Variants in SLC24A3 observed in about 807,000 individuals in gnomAD.
SLC24A3 encodes the protein sodium/potassium/calcium exchanger 3.
A neutral mutation model predicts 75.8 loss-of-function variants in SLC24A3; 28 were observed. That is an observed-to-expected ratio of 0.37 (90% CI 0.27 to 0.51). The LOEUF (loss-of-function observed/expected upper bound fraction) is 0.51, where lower values mean the gene tolerates loss of function less well. SLC24A3 is among the 20% of genes least tolerant of loss of function. The pLI is 0.94. For missense variants in SLC24A3, 663 were observed against 847.8 expected (o/e 0.78, Z 2.71); for synonymous variants, 372 against 334.1 (o/e 1.11, Z -1.24).
chr20:19,316,214 G>C (rs751252450), intron 2 of SLC24A3, among the ~76,000 whole-genome samples: 1 of 152,188 alleles, frequency 6.6e-6, no homozygotes, highest in Non-Finnish European at 1.5e-5. Flanking sequence ...ATCCCAAGAT[G>C]AACCATCAAA....
chr20:19,590,603 A>G (rs1002751818), intron 6 of SLC24A3, among the ~76,000 whole-genome samples: 21 of 152,238 alleles, frequency 1.4e-4, no homozygotes, highest in African/African-American at 3.9e-4. Context: ...GGCCTCATCC[A>G]GGAGCCAGCG....
intron 3 of SLC24A3, among the ~76,000 whole-genome samples, chr20:19,574,996 TC>T (rs2031107428): frequency 6.6e-6 from 1 of 151,952 alleles, no homozygotes; most frequent in African/African-American, 2.4e-5. Context: ...ACAGCTGCAA[TC>T]CCAGCACTTT....
chr20:19,443,614 G>GT (rs919234473), intron 2 of SLC24A3, among the ~76,000 whole-genome samples: 2 of 152,118 alleles, frequency 1.3e-5, no homozygotes, highest in African/African-American at 4.8e-5. Context: ...TCTGAAACCT[G>GT]TAAGAGGACA....
chr20:19,691,289 G>A (rs1171823626), intron 12 of SLC24A3, among the ~76,000 whole-genome samples: 4 of 152,208 alleles, frequency 2.6e-5, no homozygotes, highest in Non-Finnish European at 5.9e-5. Flanking sequence ...GCGTGACAGG[G>A]CAGATTCTGC....
chr20:19,312,942 T>A (rs2122263573), intron 2 of SLC24A3, among the ~76,000 whole-genome samples: 1 of 152,230 alleles, frequency 6.6e-6, no homozygotes. Context: ...AAGTTCCCAT[T>A]TACTTTGTAG....
chr20:19,238,893 A>T (rs1982247082), intron 1 of SLC24A3, among the ~76,000 whole-genome samples: 1 of 151,594 alleles, frequency 6.6e-6, no homozygotes, highest in South Asian at 2.1e-4. Context: ...CTTCTCTTTC[A>T]CTTCTCCCCT....
chr20:19,252,796 C>A (rs1982703406), intron 1 of SLC24A3, among the ~76,000 whole-genome samples: 1 of 152,144 alleles, frequency 6.6e-6, no homozygotes, highest in Admixed American at 6.5e-5. Context: ...ATATAAACTT[C>A]TTGGGATCCT....
At chr20:19,578,491 T>C (rs1329847858) in intron 3 of SLC24A3, among the ~76,000 whole-genome samples, 3 of 152,016 alleles carry the variant, frequency 2.0e-5, no homozygotes, top group Admixed American at 2.0e-4. Flanking sequence ...AAAGAGGGTG[T>C]CTCTGCCTCA....
At chr20:19,714,634 C>A (rs1251041477) in intron 15 of SLC24A3, among the ~76,000 whole-genome samples, 1 of 152,044 alleles carries the variant, frequency 6.6e-6, no homozygotes, top group Non-Finnish European at 1.5e-5. Flanking sequence ...CAAAAATACA[C>A]CCCTGGGTGT....
At chr20:19,542,102 T>G (rs1712077602) in intron 3 of SLC24A3, among the ~76,000 whole-genome samples, 1 of 152,124 alleles carries the variant, frequency 6.6e-6, no homozygotes, top group Non-Finnish European at 1.5e-5. Context: ...AGGGGAGAGA[T>G]AGCAGGTGGA....
intron 2 of SLC24A3, among the ~76,000 whole-genome samples, chr20:19,437,463 T>C (rs1022822052): frequency 2.0e-5 from 3 of 152,196 alleles, no homozygotes; most frequent in African/African-American, 7.2e-5. Flanking sequence ...TGAAACCTCT[T>C]TTATAAATTA....
intron 2 of SLC24A3, among the ~76,000 whole-genome samples, chr20:19,376,879 G>A (rs1986092629): frequency 6.6e-6 from 1 of 152,156 alleles, no homozygotes; most frequent in South Asian, 2.1e-4. Flanking sequence ...AGCGAGCAGT[G>A]GATTGTAGAA....
At chr20:19,356,374 A>G (rs1330758616) in intron 2 of SLC24A3, among the ~76,000 whole-genome samples, 3 of 152,324 alleles carry the variant, frequency 2.0e-5, no homozygotes, top group South Asian at 2.1e-4. Context: ...CCACAAATGT[A>G]TGTACCCATG....
chr20:19,385,517 G>A (rs1436404344), intron 2 of SLC24A3, among the ~76,000 whole-genome samples: 1 of 152,134 alleles, frequency 6.6e-6, no homozygotes, highest in African/African-American at 2.4e-5. Context: ...TTATGCCAGT[G>A]CCTTGCTCTT....
intron 2 of SLC24A3, among the ~76,000 whole-genome samples, chr20:19,349,727 C>A (rs779765580): frequency 6.6e-6 from 1 of 152,150 alleles, no homozygotes; most frequent in Non-Finnish European, 1.5e-5. Context: ...CCTTTGTTGG[C>A]TCCTTTATTC....
chr20:19,241,596 C>T (rs761853099), intron 1 of SLC24A3, among the ~76,000 whole-genome samples: 3 of 152,160 alleles, frequency 2.0e-5, no homozygotes, highest in African/African-American at 4.8e-5. Flanking sequence ...GTAGATTAAC[C>T]GTGCATGCCC....
At chr20:19,695,851 A>G (rs1568701305) in intron 13 of SLC24A3, among the ~76,000 whole-genome samples, 1 of 152,140 alleles carries the variant, frequency 6.6e-6, no homozygotes, top group Admixed American at 6.5e-5. Context: ...GAGTGAGAAC[A>G]TGTGGAGTTT....
In SLC24A3 at chr20:19,698,674, A is replaced by G. The variant is rs948892381; in HGVS notation, c.1713A>G (p.Gly571=). Residue 571 remains glycine (G), a synonymous_variant, in exon 15 of 17, where the codon GGA becomes GGG. Transcript: ENST00000328041. ...WALQTLAVDY[G]SYIRLNSRGL... is the part of the protein sequence containing the mutation. ...TGCAGACCCTGGCTGTGGATTACGG[A>G]TCCTACGTAAGTGGTTTTCTCCAGG... 6 of 1,575,110 alleles carry G rather than the reference A, an allele frequency of 3.8e-6. No homozygotes were observed. The South Asian group carries it at 7.0e-5, about 18-fold the overall frequency.
At chr20:19,327,188 G>A (rs1477864497) in intron 2 of SLC24A3, among the ~76,000 whole-genome samples, 1 of 152,176 alleles carries the variant, frequency 6.6e-6, no homozygotes, top group African/African-American at 2.4e-5. Context: ...GTAGATTACT[G>A]GAAATGCGTT....
Sources: gnomAD v4.1 joint callset for allele counts (sites outside exome capture counted in the v4.1 genomes callset) on GRCh38, gnomAD v4.1.1 for gene constraint, MANE v1.5 for transcripts, NCBI Gene and HGNC (gene_info 2026-07-23, HGNC 2026-07-21) for gene names.